Variants in TACC2 observed in about 807,000 individuals in gnomAD.
The protein encoded by TACC2 is transforming acidic coiled-coil-containing protein 2.
Under a neutral mutation model 227.3 loss-of-function variants are expected in TACC2, and 137 were observed. The ratio of observed to expected loss-of-function variants is 0.60; its 90% CI spans 0.52 to 0.69. TACC2 has a LOEUF of 0.69. Among genes scored for constraint, TACC2 ranks in the 30% least tolerant of loss-of-function variants. The pLI, the probability that TACC2 is intolerant of heterozygous loss-of-function variation, is 0.00. For missense variants in TACC2, 3,470 were observed against 3,694.4 expected (o/e 0.94, Z 1.57); for synonymous variants, 1,523 against 1,487.5 (o/e 1.02, Z -0.55).
chr10:122,053,613 G>A (rs948563240), intron 3 of TACC2, among the ~76,000 whole-genome samples: 1 of 152,138 alleles, frequency 6.6e-6, no homozygotes, highest in Admixed American at 6.5e-5. Flanking sequence ...TAGGCAGGAG[G>A]AAATCTTTGG....
At chr10:122,249,025 C>T (rs765859354) in intron 20 of TACC2, 25 bp from the exon 21 acceptor site, 1 of 1,599,762 alleles carries the variant, frequency 6.3e-7, no homozygotes, top group African/African-American at 1.3e-5. Flanking sequence ...GGGCTTGACG[C>T]CTGTCCTCTG....
Position 122,083,913 on chromosome 10 carries a change from G to A in TACC2, c.1413G>A (p.Gln471=). 6.2e-7 allele frequency: 1 copy of A among 1,614,138 alleles called. No homozygotes were observed. Among genetic ancestry groups the A allele is most frequent in the Non-Finnish European group, 8.5e-7 (1 of 1,180,014 alleles). The change falls in exon 4 of 23, where the codon CAG becomes CAA. Residue 471 remains glutamine (Q), a synonymous_variant. Coordinates refer to ENST00000369005, the MANE Select transcript of TACC2 (RefSeq NM_206862.4). ...VDAGLVGLER[Q]VSDLGSKGEH... ...CAGGGTTGGTGGGACTGGAGAGGCA[G>A]GTGTCAGATCTTGGAAGCAAGGGAG...
At chr10:122,020,496 T>C (rs1343422984) in intron 1 of TACC2, among the ~76,000 whole-genome samples, 1 of 152,330 alleles carries the variant, frequency 6.6e-6, no homozygotes, top group Admixed American at 6.5e-5. Flanking sequence ...TATTTTCCAG[T>C]GATGGTTCAG....
chr10:122,062,347 C>T (rs2076929757), intron 3 of TACC2, among the ~76,000 whole-genome samples: 1 of 148,906 alleles, frequency 6.7e-6, no homozygotes, highest in Non-Finnish European at 1.5e-5. Context: ...ACTCTTGTTG[C>T]CCAGTCTGGA....
At chr10:122,223,922 T>G (rs1036948405) in intron 11 of TACC2, among the ~76,000 whole-genome samples, 1 of 152,100 alleles carries the variant, frequency 6.6e-6, no homozygotes, top group African/African-American at 2.4e-5. Context: ...TCCATTCTGG[T>G]CTTATCCACC....
intron 2 of TACC2, among the ~76,000 whole-genome samples, chr10:122,032,729 G>T (rs1373612393): frequency 6.6e-6 from 1 of 152,154 alleles, no homozygotes; most frequent in Non-Finnish European, 1.5e-5. Context: ...GGAGACCGAG[G>T]TGGGTGATCA....
At chr10:122,044,908 G>A (rs1275367162) in intron 2 of TACC2, among the ~76,000 whole-genome samples, 1 of 152,066 alleles carries the variant, frequency 6.6e-6, no homozygotes, top group Non-Finnish European at 1.5e-5. Flanking sequence ...CTTGCCAATT[G>A]TTTTTCCAGC....
At chr10:122,036,382 A>G (rs191307650) in intron 2 of TACC2, among the ~76,000 whole-genome samples, 1,771 of 151,410 alleles carry the variant, frequency 0.012, 32 homozygotes, top group African/African-American at 0.041. Context: ...TTTAGTAGAG[A>G]CAGAGTTTCA....
At position 122,102,255 on chromosome 10, in the gene TACC2, G is replaced by A. The variant is rs74158495; in HGVS notation, c.5573+13664G>A. Among the ~76,000 whole-genome samples, 806 of 152,214 alleles carry A rather than the reference G, an allele frequency of 5.3e-3. 3 individuals carry two copies. The highest frequency in any genetic ancestry group is 0.016 in the African/African-American group (683 of 41,526). ...AGAGCTTCCGGTTTAATGGATATGC[G>A]GGTGTAGCCTGGGGGTAGTACATTT... On this transcript the variant is annotated intron_variant, in intron 5 of 22. Transcript: ENST00000369005.
At chr10:122,047,054 G>T (rs1433816321) in intron 2 of TACC2, among the ~76,000 whole-genome samples, 1 of 151,958 alleles carries the variant, frequency 6.6e-6, no homozygotes, top group Non-Finnish European at 1.5e-5. Context: ...ACTTTGGGAG[G>T]CTGAGGCGGG....
intron 5 of TACC2, among the ~76,000 whole-genome samples, chr10:122,131,891 G>T (rs1019761165): frequency 6.6e-6 from 1 of 152,016 alleles, no homozygotes; most frequent in Non-Finnish European, 1.5e-5. Flanking sequence ...GCGTGGTGGT[G>T]GGTGCCTATA....
chr10:122,148,967 C>G (rs569298631), intron 7 of TACC2, among the ~76,000 whole-genome samples: 3 of 152,378 alleles, frequency 2.0e-5, no homozygotes, highest in African/African-American at 7.2e-5. Context: ...GCCTTCCTTT[C>G]CCCTCCATCG....
At chr10:121,993,963 A>G (rs548316814) in intron 1 of TACC2, among the ~76,000 whole-genome samples, 1 of 152,148 alleles carries the variant, frequency 6.6e-6, no homozygotes, top group Non-Finnish European at 1.5e-5. Flanking sequence ...CATAAACAAT[A>G]GTATATCATA....
intron 18 of TACC2, among the ~76,000 whole-genome samples, chr10:122,239,896 ACT>A (rs1207386164): frequency 1.3e-5 from 2 of 151,998 alleles, no homozygotes; most frequent in African/African-American, 2.4e-5. Flanking sequence ...ATCTTACTTA[ACT>A]CTGCCTCACT....
At chr10:122,105,982 A>C (rs563370653) in intron 5 of TACC2, among the ~76,000 whole-genome samples, 1 of 130,100 alleles carries the variant, frequency 7.7e-6, no homozygotes, top group Non-Finnish European at 1.6e-5. Context: ...ATGTATATAC[A>C]TATACATTTT....
At chr10:122,127,368 A>C (rs1210022202) in intron 5 of TACC2, among the ~76,000 whole-genome samples, 1 of 152,168 alleles carries the variant, frequency 6.6e-6, no homozygotes, top group Non-Finnish European at 1.5e-5. Context: ...TACAGAACTG[A>C]AGATGTGGGC....
rs750035096 is a variant in TACC2, at chr10:122,050,428, C to T, written c.34-10C>T. 3.1e-6 allele frequency: 5 copies of T among 1,607,634 alleles called. No individual in the cohort carries two copies. Among genetic ancestry groups the T allele is most frequent in the Admixed American group, 1.7e-5 (1 of 58,678 alleles). On this transcript the variant is annotated splice_polypyrimidine_tract_variant and intron_variant, in intron 2 of 22. Coordinates refer to ENST00000369005, the MANE Select transcript of TACC2 (RefSeq NM_206862.4). The surrounding 1 kb of genome is among the most constrained non-coding windows in gnomAD (Gnocchi z 4.6). ...GATTTCCTTTCCAATTTCTTTTTCT[C>T]CTGGCTCAGAGGACTTTATCAGCTC...
rs547786353 is a variant in TACC2, at chr10:122,004,005, C to T, written c.-46+14517C>T. On this transcript the variant is annotated intron_variant, in intron 1 of 22. Coordinates refer to ENST00000369005, the MANE Select transcript of TACC2 (RefSeq NM_206862.4). Reference sequence around the variant, plus strand: ...GAAAAGGGCTAGGAGCGGTGGCTTACGCCTGTAATCCTAGCACTTTGGGAG... The same window carrying T: ...GAAAAGGGCTAGGAGCGGTGGCTTATGCCTGTAATCCTAGCACTTTGGGAG... Among the ~76,000 whole-genome samples the T allele has an allele frequency of 5.1e-4, 77 of 152,042 alleles. 2 individuals are homozygous for T. The South Asian group carries it at 0.015, about 29-fold the overall frequency.
chr10:122,150,089 GC>G lies in TACC2; in HGVS notation c.5834+6386del, dbSNP rs2091880683. ...GATGGTGGCTCCCTCAGTTCCGTGGGCCCAGGTCTGCAGTTCTTTTCCTCCT... is the reference window on the plus strand; with the variant it reads ...GATGGTGGCTCCCTCAGTTCCGTGGGCCAGGTCTGCAGTTCTTTTCCTCCT... On this transcript the variant is annotated intron_variant, in intron 7 of 22. Coordinates refer to ENST00000369005, the MANE Select transcript of TACC2 (RefSeq NM_206862.4). This position sits in a 1 kb window ranked among gnomAD's most constrained non-coding sequence, Gnocchi z 4.0. Among the ~76,000 whole-genome samples the G allele has an allele frequency of 6.6e-6, 1 of 152,200 alleles. No individual in the cohort carries two copies. The highest frequency in any genetic ancestry group is 1.5e-5 in the Non-Finnish European group (1 of 68,030).
Sources: gnomAD v4.1 joint callset for allele counts (sites outside exome capture counted in the v4.1 genomes callset) on GRCh38, gnomAD v4.1.1 for gene constraint, Gnocchi (gnomAD v3.1) non-coding constraint, MANE v1.5 for transcripts, NCBI Gene and HGNC (gene_info 2026-07-23, HGNC 2026-07-21) for gene names.